GABRR2: variants seen among roughly 807,000 people sequenced by gnomAD.
The protein encoded by GABRR2 is gamma-aminobutyric acid receptor subunit rho-2.
Under a neutral mutation model 47.0 loss-of-function variants are expected in GABRR2, and 36 were observed. The ratio of observed to expected loss-of-function variants is 0.77; its 90% CI spans 0.59 to 1.01. The LOEUF (loss-of-function observed/expected upper bound fraction) is 1.01. Ranked by LOEUF, GABRR2 falls within the 50% of genes least tolerant of loss-of-function variation. The pLI is 0.00. For synonymous variants in GABRR2, 204 were observed against 227.5 expected (o/e 0.90, Z 0.93); for missense variants, 587 against 594.6 (o/e 0.99, Z 0.13).
rs185980911 is a variant in GABRR2 at position 89,288,499 on chromosome 6, A to G, written c.220+11260T>C. ...CCATCAGCTGCCACCATCTGACTAC[A>G]ACTGCATGAGAGCCCCAGTGAGAAC... On this transcript the variant is annotated intron_variant, in intron 2 of 8. Transcript: ENST00000402938. Among the ~76,000 whole-genome samples, 196 of 152,258 alleles carry G rather than the reference A, an allele frequency of 1.3e-3. 1 individual carries two copies. Among genetic ancestry groups the G allele is most frequent in the Admixed American group, 2.0e-3 (30 of 15,296 alleles).
At chr6:89,309,896 G>A (rs1174833374) in intron 1 of GABRR2, among the ~76,000 whole-genome samples, 1 of 151,208 alleles carries the variant, frequency 6.6e-6, no homozygotes, top group Non-Finnish European at 1.5e-5. Context: ...TCCCACCTCA[G>A]CCTCCTGAGC....
intron 2 of GABRR2, among the ~76,000 whole-genome samples, chr6:89,279,564 T>G (rs1774222041): frequency 6.6e-6 from 1 of 151,830 alleles, no homozygotes; most frequent in African/African-American, 2.4e-5. Context: ...AGGAGTGCAG[T>G]GGCAAGATCA....
chr6:89,312,942 G>A (rs767608346), intron 1 of GABRR2, among the ~76,000 whole-genome samples: 6 of 152,178 alleles, frequency 3.9e-5, no homozygotes, highest in Admixed American at 1.3e-4. Flanking sequence ...AGGCTCATGC[G>A]CGGGTTTGGG....
At position 89,256,936 on chromosome 6, in the gene GABRR2, G is replaced by T. The variant is rs282130; in HGVS notation, c.*734C>A. 0.047 allele frequency among the ~76,000 whole-genome samples: 7,081 copies of T among 152,192 alleles called. 540 individuals are homozygous for T. Among genetic ancestry groups the T allele is most frequent in the African/African-American group, 0.16 (6,511 of 41,482 alleles). ...AGTAAAAGCAACAGCAAACAGAATG[G>T]GTCTGTGGGGTAAGCGGGGTTGAAG... On this transcript the variant is annotated 3_prime_UTR_variant, in exon 9 of 9. Coordinates refer to ENST00000402938, the MANE Select transcript of GABRR2 (RefSeq NM_002043.5).
At position 89,269,086 on chromosome 6, in the gene GABRR2, G is replaced by A. The variant is rs749207947; in HGVS notation, c.437C>T (p.Ser146Leu). ...PDVFFVHSKR[S>L]FTHDTTTDNI... ...GTCAGTGGTGGTGTCATGAGTGAAC[G>A]ATCTTTTGGAGTGAACAAAGAAGAC... is the stretch of plus-strand genomic sequence containing the variant. The change falls in exon 4 of 9, where the codon TCG becomes TTG. Residue 146 changes from serine (S) to leucine (L), a missense_variant. Physicochemically the swap from Ser to Leu is moderately radical, Grantham distance 145 (BLOSUM62 -2). Coordinates refer to ENST00000402938, the MANE Select transcript of GABRR2 (RefSeq NM_002043.5). 9 of 1,613,892 alleles carry A rather than the reference G, an allele frequency of 5.6e-6. No homozygotes were observed. Among genetic ancestry groups the A allele is most frequent in the South Asian group, 1.1e-5 (1 of 91,074 alleles).
At chr6:89,305,018 G>C (rs531316047) in intron 1 of GABRR2, among the ~76,000 whole-genome samples, 2 of 152,354 alleles carry the variant, frequency 1.3e-5, no homozygotes, top group East Asian at 3.9e-4. Flanking sequence ...CAATAGCAGA[G>C]AGATGGAATC....
intron 1 of GABRR2, among the ~76,000 whole-genome samples, chr6:89,306,099 G>T (rs377274527): frequency 6.6e-6 from 1 of 150,612 alleles, no homozygotes; most frequent in African/African-American, 2.4e-5. Context: ...TTTCTTGGCC[G>T]AGTGCAGTGG....
chr6:89,275,480 G>T (rs1367920446), intron 2 of GABRR2, among the ~76,000 whole-genome samples: 1 of 152,032 alleles, frequency 6.6e-6, no homozygotes, highest in African/African-American at 2.4e-5. Context: ...CACCATCTTG[G>T]CCAGGCTGGT....
chr6:89,273,646 C>T (rs1774102616), intron 2 of GABRR2, among the ~76,000 whole-genome samples: 2 of 152,198 alleles, frequency 1.3e-5, no homozygotes, highest in Admixed American at 1.3e-4. Context: ...TATCTTTCTC[C>T]CCTGAGGGCC....
At chr6:89,285,958 C>A (rs978726209) in intron 2 of GABRR2, among the ~76,000 whole-genome samples, 1 of 152,030 alleles carries the variant, frequency 6.6e-6, no homozygotes, top group African/African-American at 2.4e-5. Context: ...GACTCCTCCT[C>A]TCCCTCCCAA....
At chr6:89,292,809 A>AT (rs1774489210) in intron 2 of GABRR2, among the ~76,000 whole-genome samples, 1 of 23,702 alleles carries the variant, frequency 4.2e-5, no homozygotes, top group African/African-American at 2.5e-4. Flanking sequence ...TATATCGTAT[A>AT]TACGATATAT....
At chr6:89,284,902 C>T (rs923589387) in intron 2 of GABRR2, among the ~76,000 whole-genome samples, 12 of 152,080 alleles carry the variant, frequency 7.9e-5, no homozygotes, top group African/African-American at 2.7e-4. Context: ...AGAACAGGGC[C>T]GGAACAGTTT....
At chr6:89,306,250 G>A (rs1470238321) in intron 1 of GABRR2, among the ~76,000 whole-genome samples, 1 of 151,784 alleles carries the variant, frequency 6.6e-6, no homozygotes, top group Non-Finnish European at 1.5e-5. Flanking sequence ...GATGGCATAT[G>A]CCTCTGGTCC....
At position 89,267,817 on chromosome 6, in the gene GABRR2, C is replaced by T; in HGVS notation, c.598G>A (p.Ala200Thr). 6.2e-7 allele frequency: 1 copy of T among 1,610,220 alleles called. No homozygotes were observed. The change falls in exon 6 of 9, where the codon GCC becomes ACC. Residue 200 changes from alanine to threonine, a missense_variant and splice_region_variant. Transcript: ENST00000402938. ...QTCSLELESY[A>T]YTDEDLMLYW... ...AGCATTAGATCTTCATCTGTATAGG[C>T]ATCTTTGGGAAGAGGAAAACAAGTT...
At chr6:89,268,889 A>T in intron 4 of GABRR2, 122 bp downstream of exon 4, 1 of 775,930 alleles carries the variant, frequency 1.3e-6, no homozygotes, top group Non-Finnish European at 2.2e-6. Flanking sequence ...CTAGCATCAG[A>T]AGGCTCCTCC....
At chr6:89,261,277 T>G (rs746236683) in intron 8 of GABRR2, among the ~76,000 whole-genome samples, 6 of 152,346 alleles carry the variant, frequency 3.9e-5, no homozygotes, top group Non-Finnish European at 7.3e-5. Flanking sequence ...GTGTACAAAT[T>G]ACTGAAGTTT....
At chr6:89,301,978 C>A (rs1582463323) in intron 1 of GABRR2, 2 of 784,582 alleles carry the variant, frequency 2.5e-6, no homozygotes, top group East Asian at 5.0e-5. Flanking sequence ...GGCCATTCGT[C>A]GACCTGGAGC....
intron 2 of GABRR2, among the ~76,000 whole-genome samples, chr6:89,274,275 A>G (rs1774115403): frequency 6.6e-6 from 1 of 152,182 alleles, no homozygotes; most frequent in Non-Finnish European, 1.5e-5. Flanking sequence ...TCCCAAAGCC[A>G]CATTCAGGGA....
intron 2 of GABRR2, among the ~76,000 whole-genome samples, chr6:89,283,802 G>T (rs1774290379): frequency 6.6e-6 from 1 of 152,306 alleles, no homozygotes; most frequent in Non-Finnish European, 1.5e-5. Flanking sequence ...AGTGTACGGG[G>T]TGGGCACGTT....
Sources: allele counts gnomAD v4.1 joint callset (sites outside exome capture counted in the v4.1 genomes callset), GRCh38; gene constraint gnomAD v4.1.1; transcripts MANE v1.5; gene names NCBI Gene and HGNC (gene_info 2026-07-23, HGNC 2026-07-21).